CFH: variants seen among roughly 807,000 people sequenced by gnomAD.
CFH encodes complement factor H.
A neutral mutation model predicts 147.3 loss-of-function variants in CFH; 53 were observed. That is an observed-to-expected ratio of 0.36 (90% CI 0.29 to 0.45). The LOEUF is 0.45. Ranked by LOEUF, CFH falls within the 20% of genes least tolerant of loss-of-function variation. CFH has a pLI of 1.00. For synonymous variants in CFH, 536 were observed against 489.4 expected (o/e 1.10, Z -1.26); for missense variants, 1,380 against 1,498.0 (o/e 0.92, Z 1.30).
Position 196,675,882 on chromosome 1 carries a change from G to T in CFH, c.351-107G>T, listed in dbSNP as rs971883192. On this transcript the variant is annotated intron_variant, in intron 3 of 21. Transcript: ENST00000367429. Reference sequence around the variant, plus strand: ...CAAGAAACAAGAAAATGCATATGCTGTTCATTTTCCTTAATATGGAGTTTC... The same window carrying T: ...CAAGAAACAAGAAAATGCATATGCTTTTCATTTTCCTTAATATGGAGTTTC... The T allele has an allele frequency of 4.3e-6, 3 of 704,690 alleles. No individual in the cohort carries two copies. The African/African-American group carries it at 5.3e-5, about 13-fold the overall frequency. 43.7% of individuals were successfully genotyped at this position (704,690 alleles called of 1,614,324 possible). A position where few individuals can be genotyped will look rare whatever the true frequency, so the allele number is the denominator to read the frequency against.
rs752866405 is a variant in CFH, at chr1:196,745,806, A to C, written c.3311-11A>C. On this transcript the variant is annotated splice_polypyrimidine_tract_variant and intron_variant, in intron 20 of 21. Coordinates refer to ENST00000367429, the MANE Select transcript of CFH (RefSeq NM_000186.4). ...TCACAACAAATCAAGTGATGAAATGATGTTTTTTAGATTCTACAGGAAAAT... is the reference window on the plus strand; with the variant it reads ...TCACAACAAATCAAGTGATGAAATGCTGTTTTTTAGATTCTACAGGAAAAT... 1 of 1,613,886 alleles carries C rather than the reference A, an allele frequency of 6.2e-7. No individual in the cohort carries two copies. Among genetic ancestry groups the C allele is most frequent in the Non-Finnish European group, 8.5e-7 (1 of 1,179,922 alleles).
intron 17 of CFH, 104 bp from the exon 18 acceptor site, chr1:196,740,515 C>T: frequency 1.8e-6 from 2 of 1,109,490 alleles, no homozygotes; most frequent in East Asian, 2.5e-5. Context: ...GTCATAGTAG[C>T]TCCTGTATTG....
intron 9 of CFH, among the ~76,000 whole-genome samples, chr1:196,703,274 C>G (rs1668505595): frequency 6.6e-6 from 1 of 152,156 alleles, no homozygotes; most frequent in African/African-American, 2.4e-5. Context: ...AAACGGACAT[C>G]CCATTGCAGG....
rs765812104 is a variant in CFH at position 196,715,629 on chromosome 1, C to T, written c.1556C>T (p.Thr519Ile). 1.9e-6 allele frequency: 3 copies of T among 1,612,588 alleles called. No homozygotes were observed. The Admixed American group carries it at 5.0e-5, about 27-fold the overall frequency. ...ATCCCAGTATTTATGAATGCCAGAA[C>T]TAAAAATGACTTCACATGGTTTAAG... Reference protein sequence around the residue: ...CDIPVFMNARTKNDFTWFKLN... With the variant: ...CDIPVFMNARIKNDFTWFKLN... Residue 519 changes from threonine to isoleucine, a missense_variant, in exon 11 of 22, where the codon ACT (threonine) becomes ATT (isoleucine). By Grantham distance (89) the Thr-to-Ile change is moderately conservative. Transcript: ENST00000367429.
intron 5 of CFH, 178 bp downstream of exon 5, chr1:196,677,845 A>C (rs1403886694): frequency 4.9e-6 from 3 of 614,192 alleles, no homozygotes; most frequent in Non-Finnish European, 8.6e-6. Flanking sequence ...TTTAACTTTC[A>C]AAAAACTCCA....
At chr1:196,739,208 T>C (rs934099586) in intron 17 of CFH, among the ~76,000 whole-genome samples, 1 of 152,200 alleles carries the variant, frequency 6.6e-6, no homozygotes, top group African/African-American at 2.4e-5. Context: ...GGGGGTGTCA[T>C]GAAGGCCTCT....
intron 1 of CFH, among the ~76,000 whole-genome samples, chr1:196,659,718 A>G (rs1666839564): frequency 6.6e-6 from 1 of 152,146 alleles, no homozygotes; most frequent in Non-Finnish European, 1.5e-5. Context: ...AAACTGTCAT[A>G]GCACACTGGT....
chr1:196,675,907 C>G, intron 3 of CFH, 82 bp from the exon 4 acceptor site: 1 of 851,458 alleles, frequency 1.2e-6, no homozygotes, highest in African/African-American at 1.7e-5. Context: ...TATGGAGTTT[C>G]TGGACACTCA....
chr1:196,737,471 T>G lies in CFH; in HGVS notation c.2597-4T>G, dbSNP rs1363601156. 1.9e-6 allele frequency: 3 copies of G among 1,605,662 alleles called. No individual in the cohort carries two copies. The highest frequency in any genetic ancestry group is 2.2e-5 in the South Asian group (2 of 90,518). On this transcript the variant is annotated splice_region_variant and splice_polypyrimidine_tract_variant and intron_variant, in intron 16 of 21. Coordinates refer to ENST00000367429, the MANE Select transcript of CFH (RefSeq NM_000186.4). ...TAACCCTTTGATTTTCATTCTTCATTTAGAAAAAATTCCATGTTCACAACC... is the reference window on the plus strand; with the variant it reads ...TAACCCTTTGATTTTCATTCTTCATGTAGAAAAAATTCCATGTTCACAACC...
chr1:196,711,117 G>A (rs754887782), intron 9 of CFH, among the ~76,000 whole-genome samples: 3 of 151,990 alleles, frequency 2.0e-5, no homozygotes, highest in South Asian at 2.1e-4. Context: ...CAATTATAGA[G>A]ATCTAAAATA....
At chr1:196,707,632 C>A (rs1444501720) in intron 9 of CFH, among the ~76,000 whole-genome samples, 1 of 152,168 alleles carries the variant, frequency 6.6e-6, no homozygotes, top group African/African-American at 2.4e-5. Context: ...AAAACCCGCC[C>A]CGCCAGATTC....
At position 196,695,744 on chromosome 1, in the gene CFH, A is replaced by G. The variant is rs564290471; in HGVS notation, c.1336+5505A>G. On this transcript the variant is annotated intron_variant, in intron 9 of 21. Transcript: ENST00000367429. ...CGCATCCCTTGTAAGTTGTATTTCT[A>G]CGTATTTTATTTTCTTTGTGGCAAT... Among the ~76,000 whole-genome samples, 985 of 152,064 alleles carry G rather than the reference A, an allele frequency of 6.5e-3. 7 individuals are homozygous for G. Among genetic ancestry groups the G allele is most frequent in the Non-Finnish European group, 0.01 (697 of 67,978 alleles).
intron 9 of CFH, among the ~76,000 whole-genome samples, chr1:196,695,083 C>T (rs924023745): frequency 2.6e-5 from 4 of 152,208 alleles, no homozygotes; most frequent in Non-Finnish European, 4.4e-5. Flanking sequence ...TTTGCCCATG[C>T]CTATGTCCTG....
chr1:196,711,408 A>G (rs1057130857), intron 9 of CFH, among the ~76,000 whole-genome samples: 3 of 152,066 alleles, frequency 2.0e-5, no homozygotes, highest in Non-Finnish European at 4.4e-5. Context: ...AGTATTCCAT[A>G]AAAGATTTAC....
At chr1:196,699,372 A>G (rs1398848090) in intron 9 of CFH, among the ~76,000 whole-genome samples, 2 of 152,164 alleles carry the variant, frequency 1.3e-5, no homozygotes, top group East Asian at 1.9e-4. Context: ...AATTTTGCCC[A>G]CTTTCCATTG....
chr1:196,707,541 G>C (rs1363186967), intron 9 of CFH, among the ~76,000 whole-genome samples: 3 of 152,278 alleles, frequency 2.0e-5, no homozygotes, highest in East Asian at 1.9e-4. Context: ...CACAGTGAAA[G>C]AGGCCATGCA....
At position 196,737,005 on chromosome 1, in the gene CFH, T is replaced by G. The variant is rs1311732812; in HGVS notation, c.2595T>G (p.Val865=). 13 of 1,607,062 alleles carry G rather than the reference T, an allele frequency of 8.1e-6. No homozygotes were observed. Among genetic ancestry groups the G allele is most frequent in the Non-Finnish European group, 1.1e-5 (13 of 1,175,066 alleles). The change falls in exon 16 of 22, where the codon GTT becomes GTG. Residue 865 remains valine (V), a splice_region_variant and synonymous_variant. Coordinates refer to ENST00000367429, the MANE Select transcript of CFH (RefSeq NM_000186.4). ...DGRWQSIPLC[V]EKIPCSQPPQ... ...GATGGCAGTCAATACCACTCTGTGT[T>G]GGTCAGTAGTGTATAATTTGTTTTA...
Position 196,745,469 on chromosome 1 carries a change from C to T in CFH, c.3311-348C>T, listed in dbSNP as rs115578413. 8.2e-3 allele frequency among the ~76,000 whole-genome samples: 1,246 copies of T among 152,176 alleles called. 30 individuals carry two copies. The highest frequency in any genetic ancestry group is 0.029 in the African/African-American group (1,187 of 41,524). ...TTTAAAAAATTTTTGTCATACTTTTCCATTTTATAATTCCTATGGGATTTT... is the reference window on the plus strand; with the variant it reads ...TTTAAAAAATTTTTGTCATACTTTTTCATTTTATAATTCCTATGGGATTTT... On this transcript the variant is annotated intron_variant, in intron 20 of 21. Transcript: ENST00000367429.
chr1:196,721,019 C>T (rs1265858121), intron 11 of CFH, among the ~76,000 whole-genome samples: 2 of 151,848 alleles, frequency 1.3e-5, no homozygotes, highest in African/African-American at 4.8e-5. Context: ...AAGATGATAA[C>T]TCATTTTTTT....
Sources: allele counts gnomAD v4.1 joint callset (sites outside exome capture counted in the v4.1 genomes callset), GRCh38; gene constraint gnomAD v4.1.1; transcripts MANE v1.5; gene names NCBI Gene and HGNC (gene_info 2026-07-23, HGNC 2026-07-21).